Variants in PPP4R4 observed in about 807,000 individuals in gnomAD.
The protein encoded by PPP4R4 is serine/threonine-protein phosphatase 4 regulatory subunit 4.
PPP4R4 carries 70 observed loss-of-function variants against 121.8 expected under a neutral mutation model. That is an observed-to-expected ratio of 0.57 (90% CI 0.47 to 0.70). PPP4R4 has a LOEUF of 0.70. PPP4R4 is among the 30% of genes least tolerant of loss of function. The pLI is 0.00. For missense variants in PPP4R4, 875 were observed against 1,033.6 expected (o/e 0.85, Z 2.10); for synonymous variants, 348 against 355.7 (o/e 0.98, Z 0.24).
intron 2 of PPP4R4, among the ~76,000 whole-genome samples, chr14:94,192,457 T>G (rs943458362): frequency 6.6e-6 from 1 of 152,206 alleles, no homozygotes; most frequent in South Asian, 2.1e-4. Flanking sequence ...ACAAACTGTT[T>G]AATAATTTAA....
intron 5 of PPP4R4, 101 bp downstream of exon 5, chr14:94,231,416 T>C: frequency 9.8e-7 from 1 of 1,022,004 alleles, no homozygotes; most frequent in South Asian, 1.7e-5. Context: ...GAAAGTTGTT[T>C]TTCATTTTGA....
At position 94,175,851 on chromosome 14, in the gene PPP4R4, C is replaced by T. The variant is rs990783921; in HGVS notation, c.118-203C>T. On this transcript the variant is annotated intron_variant, in intron 1 of 24. Transcript: ENST00000304338. ...TAAAAACAGAAAAATACAGCCCCCT[C>T]CCCAAACTCCCCAAACCACCCAATT... 7 of 573,654 alleles carry T rather than the reference C, an allele frequency of 1.2e-5. No individual in the cohort carries two copies. The African/African-American group carries it at 1.3e-4, about 11-fold the overall frequency. The allele number at this position is 573,654 out of a possible 1,614,324, so 35.5% of individuals were successfully genotyped here.
At chr14:94,250,797 AG>A (rs1267745852) in intron 15 of PPP4R4, among the ~76,000 whole-genome samples, 1 of 152,030 alleles carries the variant, frequency 6.6e-6, no homozygotes, top group Non-Finnish European at 1.5e-5. Context: ...TTTGGTTTAT[AG>A]TATTGATTCT....
intron 8 of PPP4R4, among the ~76,000 whole-genome samples, chr14:94,240,228 G>A (rs1488567782): frequency 6.6e-6 from 1 of 152,166 alleles, no homozygotes; most frequent in East Asian, 1.9e-4. Context: ...ATAAGCTAAT[G>A]TAATTTTAGT....
intron 3 of PPP4R4, among the ~76,000 whole-genome samples, chr14:94,220,594 CAG>C (rs1353959372): frequency 6.6e-6 from 1 of 151,966 alleles, no homozygotes; most frequent in Non-Finnish European, 1.5e-5. Context: ...TTCTACAAAC[CAG>C]CAACCAACAA....
chr14:94,272,874 TGG>T (rs1161202576), intron 23 of PPP4R4, among the ~76,000 whole-genome samples: 7 of 152,150 alleles, frequency 4.6e-5, no homozygotes, highest in Admixed American at 1.3e-4. Context: ...GATATATAGA[TGG>T]AAAACAAGCA....
chr14:94,258,158 G>A (rs1348702624), intron 17 of PPP4R4, among the ~76,000 whole-genome samples: 2 of 152,036 alleles, frequency 1.3e-5, no homozygotes, highest in Non-Finnish European at 2.9e-5. Context: ...GGATAGCTTT[G>A]GGCATATGCA....
chr14:94,215,425 A>G (rs73342885), intron 3 of PPP4R4, among the ~76,000 whole-genome samples: 1 of 152,182 alleles, frequency 6.6e-6, no homozygotes, highest in African/African-American at 2.4e-5. Context: ...TGTCTTCCTC[A>G]CTGAAGATGA....
At chr14:94,198,791 A>C (rs974239704) in intron 2 of PPP4R4, among the ~76,000 whole-genome samples, 2 of 152,182 alleles carry the variant, frequency 1.3e-5, no homozygotes, top group African/African-American at 4.8e-5. Flanking sequence ...TCATCTCCTC[A>C]TTGAGTTGTC....
At chr14:94,207,521 GTC>G (rs1199997678) in intron 2 of PPP4R4, among the ~76,000 whole-genome samples, 1 of 151,880 alleles carries the variant, frequency 6.6e-6, no homozygotes, top group Non-Finnish European at 1.5e-5. Flanking sequence ...ATGTATTAAA[GTC>G]TTATGTACGT....
At chr14:94,224,758 C>T (rs192632826) in intron 3 of PPP4R4, among the ~76,000 whole-genome samples, 20 of 152,154 alleles carry the variant, frequency 1.3e-4, no homozygotes, top group Non-Finnish European at 2.6e-4. Context: ...CTGAACAGGT[C>T]TGCCAATAAA....
At chr14:94,275,302 C>G in intron 23 of PPP4R4, 72 bp from the exon 24 acceptor site, 1 of 1,524,352 alleles carries the variant, frequency 6.6e-7, no homozygotes, top group Non-Finnish European at 9.0e-7. Context: ...CTATCATTAA[C>G]CTTTTCTTCT....
At chr14:94,254,530 TC>T (rs1391708977) in intron 16 of PPP4R4, among the ~76,000 whole-genome samples, 8 of 152,212 alleles carry the variant, frequency 5.3e-5, no homozygotes, top group African/African-American at 1.9e-4. Context: ...AGGAGGAGCT[TC>T]TTTACCCTTT....
intron 3 of PPP4R4, among the ~76,000 whole-genome samples, chr14:94,223,613 G>T (rs182350646): frequency 6.6e-6 from 1 of 152,256 alleles, no homozygotes; most frequent in East Asian, 1.9e-4. Flanking sequence ...CTGGATATTT[G>T]TTGTCTCTTA....
intron 7 of PPP4R4, among the ~76,000 whole-genome samples, chr14:94,236,812 A>G (rs999155162): frequency 1.3e-5 from 2 of 152,168 alleles, no homozygotes; most frequent in Admixed American, 6.5e-5. Flanking sequence ...TTTGCGCTGA[A>G]ATTTTTAAAA....
intron 3 of PPP4R4, among the ~76,000 whole-genome samples, chr14:94,213,166 G>A (rs758679897): frequency 7.9e-5 from 12 of 152,176 alleles, no homozygotes; most frequent in Non-Finnish European, 5.9e-5. Context: ...ACGTCACAAA[G>A]CTTGCAAGTG....
intron 13 of PPP4R4, among the ~76,000 whole-genome samples, chr14:94,245,890 CTT>C (rs1892868329): frequency 6.6e-6 from 1 of 152,024 alleles, no homozygotes; most frequent in Non-Finnish European, 1.5e-5. Flanking sequence ...TGTCTATTGT[CTT>C]TGGAGTTTAT....
chr14:94,175,047 C>T (rs900272476), intron 1 of PPP4R4, among the ~76,000 whole-genome samples: 2 of 151,010 alleles, frequency 1.3e-5, no homozygotes, highest in Admixed American at 1.3e-4. Flanking sequence ...GGCTCCCCAA[C>T]CTCTGGTCCG....
intron 2 of PPP4R4, among the ~76,000 whole-genome samples, chr14:94,205,229 T>C (rs918654379): frequency 2.0e-5 from 3 of 152,164 alleles, no homozygotes; most frequent in Admixed American, 2.0e-4. Context: ...CTCTAATAGT[T>C]GTAGGAGCAT....
Sources: allele counts gnomAD v4.1 joint callset (sites outside exome capture counted in the v4.1 genomes callset), GRCh38; gene constraint gnomAD v4.1.1; transcripts MANE v1.5; gene names NCBI Gene and HGNC (gene_info 2026-07-23, HGNC 2026-07-21).